Variants in UGT2A1 observed in about 807,000 individuals in gnomAD.
UGT2A1 encodes the protein UDP glucuronosyltransferase family 2 member A1 complex locus.
In UGT2A1, 61 loss-of-function variants were observed where a neutral mutation model predicts 45.4. That is an observed-to-expected ratio of 1.34 (90% CI 1.09 to 1.66). The LOEUF (loss-of-function observed/expected upper bound fraction) is 1.66. Ranked by LOEUF, UGT2A1 falls within the 40% of genes most tolerant of loss-of-function variation. The pLI, the probability that UGT2A1 is intolerant of heterozygous loss-of-function variation, is 0.00. For synonymous variants in UGT2A1, 229 were observed against 196.2 expected (o/e 1.17, Z -1.40); for missense variants, 649 against 574.3 (o/e 1.13, Z -1.33).
At chr4:69,644,943 A>G (rs1426201867) in intron 2 of UGT2A1, among the ~76,000 whole-genome samples, 1 of 151,826 alleles carries the variant, frequency 6.6e-6, no homozygotes, top group African/African-American at 2.4e-5. Flanking sequence ...AAAAGAAGCT[A>G]ATGTGTCAGT....
chr4:69,618,129 C>A (rs1011003745), intron 3 of UGT2A1, among the ~76,000 whole-genome samples: 1 of 150,432 alleles, frequency 6.6e-6, no homozygotes, highest in Admixed American at 6.6e-5. Flanking sequence ...TATCCGTGTA[C>A]GTAATCATCA....
chr4:69,613,422 A>G (rs1720185077), intron 3 of UGT2A1, among the ~76,000 whole-genome samples: 1 of 151,984 alleles, frequency 6.6e-6, no homozygotes, highest in Non-Finnish European at 1.5e-5. Context: ...ACTAATGTCA[A>G]TTCTACTGAA....
chr4:69,652,343 G>A (rs1230749812), intron 1 of UGT2A1, among the ~76,000 whole-genome samples: 1 of 143,002 alleles, frequency 7.0e-6, no homozygotes, highest in Non-Finnish European at 1.5e-5. Context: ...GAGTGCAAGG[G>A]CATAATCTCG....
At chr4:69,610,283 C>T (rs960716088) in intron 3 of UGT2A1, among the ~76,000 whole-genome samples, 1 of 151,912 alleles carries the variant, frequency 6.6e-6, no homozygotes, top group Non-Finnish European at 1.5e-5. Context: ...GTCCTTATGT[C>T]TCTAGTATGA....
chr4:69,597,052 G>A (rs1479681081), intron 4 of UGT2A1, among the ~76,000 whole-genome samples: 2 of 152,124 alleles, frequency 1.3e-5, no homozygotes, highest in South Asian at 2.1e-4. Flanking sequence ...CCCAACAAAG[G>A]ATACTGAGCT....
At chr4:69,627,463 AGCAG>A (rs1002480493) in intron 3 of UGT2A1, among the ~76,000 whole-genome samples, 20 of 63,820 alleles carry the variant, frequency 3.1e-4, no homozygotes, top group African/African-American at 6.8e-4. Flanking sequence ...CAGACAGGCA[AGCAG>A]GCAGGCAGGC....
intron 6 of UGT2A1, among the ~76,000 whole-genome samples, chr4:69,594,013 T>C (rs1040260567): frequency 2.7e-5 from 4 of 148,366 alleles, no homozygotes; most frequent in African/African-American, 2.5e-5. Context: ...CTTGCTCTTT[T>C]GCCCAGGCTG....
At position 69,647,222 on chromosome 4, in the gene UGT2A1, T is replaced by G; in HGVS notation, c.423A>C (p.Lys141Asn). ...CAGACACCAGGACTTCAAACTTGCT[T>G]TTCTTTAGCTTTGCCATCAGCTGTT... ...KNQQLMAKLK[K>N]SKFEVLVSDP... is the part of the protein sequence containing the mutation. Residue 141 changes from lysine to asparagine, a missense_variant, in exon 2 of 7, where the codon AAA (lysine) becomes AAC (asparagine). Transcript: ENST00000286604. 6.2e-7 allele frequency: 1 copy of G among 1,613,296 alleles called. No homozygotes were observed. Among genetic ancestry groups the G allele is most frequent in the Non-Finnish European group, 8.5e-7 (1 of 1,179,472 alleles).
intron 3 of UGT2A1, among the ~76,000 whole-genome samples, chr4:69,619,531 C>G (rs1203167915): frequency 6.6e-6 from 1 of 151,828 alleles, no homozygotes; most frequent in Non-Finnish European, 1.5e-5. Context: ...AAAGAAGACT[C>G]TAAAAATAAT....
chr4:69,640,554 C>T (rs1385186228), intron 2 of UGT2A1, among the ~76,000 whole-genome samples: 1 of 151,686 alleles, frequency 6.6e-6, no homozygotes, highest in Non-Finnish European at 1.5e-5. Flanking sequence ...TGTAACAATG[C>T]TGTTTTGAAA....
chr4:69,607,022 C>T lies in UGT2A1; in HGVS notation c.848-7628G>A, dbSNP rs1472546761. Among the ~76,000 whole-genome samples the T allele has an allele frequency of 9.6e-5, 13 of 135,356 alleles. 3 individuals carry two copies. The highest frequency in any genetic ancestry group is 1.7e-4 in the Non-Finnish European group (11 of 63,866). The allele number at this position is 135,356 out of a possible 152,430, so 88.8% of individuals were successfully genotyped here. ...GGTCATTTATAGATTCAATGCCATC[C>T]CCATCAAACTACCAATGACTTTCTT... On this transcript the variant is annotated intron_variant, in intron 3 of 6. Coordinates refer to ENST00000286604, the MANE Select transcript of UGT2A1 (RefSeq NM_001252275.3).
intron 3 of UGT2A1, among the ~76,000 whole-genome samples, chr4:69,627,862 G>C (rs910588636): frequency 1.3e-5 from 2 of 151,858 alleles, no homozygotes; most frequent in Admixed American, 1.3e-4. Context: ...AATATTACAG[G>C]TTAAAAGAGA....
chr4:69,605,091 T>C (rs1438471538), intron 3 of UGT2A1, among the ~76,000 whole-genome samples: 1 of 136,812 alleles, frequency 7.3e-6, no homozygotes, highest in Non-Finnish European at 1.6e-5. Flanking sequence ...TCTACAGAAT[T>C]ATCCACCCCA....
At position 69,647,532 on chromosome 4, in the gene UGT2A1, A is replaced by T. The variant is rs775748447; in HGVS notation, c.113T>A (p.Ile38Lys). The part of the protein sequence containing the change: ...MEGSHWLNVK[I>K]IIDELIKKEH... ...CTTTTTAATGAGCTCATCTATAATT[A>T]TCTTAACATTTAGCCAATGACTACC... is the stretch of plus-strand genomic sequence containing the variant. Residue 38 changes from isoleucine (I) to lysine (K), a missense_variant, in exon 2 of 7, where the codon ATA (isoleucine) becomes AAA (lysine). Physicochemically the swap from Ile to Lys is moderately radical, Grantham distance 102 (BLOSUM62 -3). Transcript: ENST00000286604. 1.9e-6 allele frequency: 3 copies of T among 1,612,852 alleles called. No homozygotes were observed. The highest frequency in any genetic ancestry group is 3.3e-5 in the Admixed American group (2 of 59,838).
intron 1 of UGT2A1, among the ~76,000 whole-genome samples, chr4:69,651,999 A>G (rs1722547107): frequency 1.3e-5 from 2 of 152,150 alleles, no homozygotes; most frequent in South Asian, 4.1e-4. Flanking sequence ...GTCTCTTCCA[A>G]GTACGTTTTC....
intron 3 of UGT2A1, among the ~76,000 whole-genome samples, chr4:69,626,787 AATTTT>A (rs1458947207): frequency 1.3e-5 from 2 of 151,794 alleles, no homozygotes; most frequent in African/African-American, 2.4e-5. Context: ...AATATTAATG[AATTTT>A]ATTTTATGTG....
At position 69,603,360 on chromosome 4, in the gene UGT2A1, A is replaced by G. The variant is rs1318633998; in HGVS notation, c.848-3966T>C. On this transcript the variant is annotated intron_variant, in intron 3 of 6. Transcript: ENST00000286604. The stretch of plus-strand genomic sequence containing the variant: ...AATGACAAAGATGCAGGCATGCAGG[A>G]AAAAATGTTTTCAATAAATAGTGAT... Among the ~76,000 whole-genome samples the G allele has an allele frequency of 1.5e-5, 2 of 137,336 alleles. 1 individual carries two copies. Among genetic ancestry groups the G allele is most frequent in the African/African-American group, 5.9e-5 (2 of 34,070 alleles). The allele number at this position is 137,336 out of a possible 152,430, so 90.1% of individuals were successfully genotyped here. A position where few individuals can be genotyped will look rare whatever the true frequency, so the allele number is the denominator to read the frequency against.
At position 69,647,583 on chromosome 4, in the gene UGT2A1, C is replaced by T. The variant is rs977029139; in HGVS notation, c.62G>A (p.Gly21Glu). 2 of 1,609,802 alleles carry T rather than the reference C, an allele frequency of 1.2e-6. No individual in the cohort carries two copies. The highest frequency in any genetic ancestry group is 1.7e-6 in the Non-Finnish European group (2 of 1,178,046). The change falls in exon 2 of 7, where the codon GGG becomes GAG. Residue 21 changes from glycine (G) to glutamate (E), a missense_variant. Transcript: ENST00000286604. ...QISLIGTTLG[G>E]NVLIWPMEGS... ...TTCCATTGGCCAAATCAAAACATTCCCACCAAGAGTGGTTCCTATGAGACT... is the reference window on the plus strand; with the variant it reads ...TTCCATTGGCCAAATCAAAACATTCTCACCAAGAGTGGTTCCTATGAGACT...
intron 3 of UGT2A1, among the ~76,000 whole-genome samples, chr4:69,621,932 CACTT>C (rs1560483854): frequency 6.6e-6 from 1 of 151,914 alleles, no homozygotes; most frequent in East Asian, 1.9e-4. Context: ...CACATTCTCT[CACTT>C]ACAAGTTAGA....
Sources: allele counts gnomAD v4.1 joint callset (sites outside exome capture counted in the v4.1 genomes callset), GRCh38; gene constraint gnomAD v4.1.1; transcripts MANE v1.5; gene names NCBI Gene and HGNC (gene_info 2026-07-23, HGNC 2026-07-21).